Variants in PVT1 observed in about 807,000 individuals in gnomAD.
The protein encoded by PVT1 is CXCR4/PVT1 fusion.
chr8:127,971,072 A>G (rs1341039347), intron 3 of PVT1, among the ~76,000 whole-genome samples: 3 of 152,258 alleles, frequency 2.0e-5, no homozygotes, highest in Non-Finnish European at 4.4e-5. Context: ...TGGCCTGCAA[A>G]AAGCCTAAAA....
intron 5 of PVT1, among the ~76,000 whole-genome samples, chr8:128,072,330 C>A (rs1563680467): frequency 6.6e-6 from 1 of 152,150 alleles, no homozygotes; most frequent in Non-Finnish European, 1.5e-5. Context: ...GGCCACAGAA[C>A]AAGCATGCAT....
At chr8:127,813,581 A>T (rs1347188327) in intron 2 of PVT1, among the ~76,000 whole-genome samples, 2 of 152,026 alleles carry the variant, frequency 1.3e-5, no homozygotes, top group African/African-American at 2.4e-5. Flanking sequence ...CTAATAACAG[A>T]CCGTGTGGCT....
intron 5 of PVT1, among the ~76,000 whole-genome samples, chr8:128,093,226 G>T (rs746834908): frequency 1.3e-5 from 2 of 152,184 alleles, no homozygotes; most frequent in Non-Finnish European, 2.9e-5. Context: ...CAGTAAAATG[G>T]GGATAAGCAT....
intron 3 of PVT1, among the ~76,000 whole-genome samples, chr8:127,957,263 G>T (rs974243652): frequency 3.9e-5 from 6 of 152,090 alleles, no homozygotes; most frequent in Non-Finnish European, 7.4e-5. Flanking sequence ...TCAAGTTTCA[G>T]GGGTGGTTTT....
At chr8:128,091,081 A>G (rs1246656735) in intron 5 of PVT1, among the ~76,000 whole-genome samples, 3 of 152,196 alleles carry the variant, frequency 2.0e-5, no homozygotes, top group African/African-American at 7.2e-5. Context: ...CTCTGAGCAC[A>G]CGTGCCTAGC....
intron 3 of PVT1, among the ~76,000 whole-genome samples, chr8:127,935,146 A>G (rs1189492401): frequency 6.6e-6 from 1 of 151,994 alleles, no homozygotes; most frequent in Non-Finnish European, 1.5e-5. Flanking sequence ...TTGTATTTTT[A>G]GTAGAGACGG....
chr8:128,054,319 C>T (rs78039100), intron 4 of PVT1, among the ~76,000 whole-genome samples: 1 of 137,910 alleles, frequency 7.3e-6, no homozygotes. Flanking sequence ...AGATTTTTTT[C>T]CCACAGTTGA....
At chr8:127,894,110 G>T (rs1186755095) in intron 3 of PVT1, among the ~76,000 whole-genome samples, 1 of 152,210 alleles carries the variant, frequency 6.6e-6, no homozygotes, top group Non-Finnish European at 1.5e-5. Context: ...GTTTTCACTT[G>T]ATGGGCTCCT....
At chr8:128,023,540 G>T (rs1586485845) in intron 4 of PVT1, among the ~76,000 whole-genome samples, 1 of 152,120 alleles carries the variant, frequency 6.6e-6, no homozygotes, top group Non-Finnish European at 1.5e-5. Flanking sequence ...ATCCTGCCAG[G>T]GCATGGGTTG....
intron 4 of PVT1, among the ~76,000 whole-genome samples, chr8:128,057,099 C>T (rs988256987): frequency 6.6e-6 from 1 of 152,188 alleles, no homozygotes; most frequent in East Asian, 1.9e-4. Context: ...AACCAGACCA[C>T]CCTGAGCTTC....
intron 2 of PVT1, among the ~76,000 whole-genome samples, chr8:127,824,121 C>T (rs920695091): frequency 3.9e-5 from 6 of 152,172 alleles, no homozygotes; most frequent in Non-Finnish European, 8.8e-5. Context: ...TTTGAGGCTG[C>T]AGTGAGCTGT....
intron 5 of PVT1, among the ~76,000 whole-genome samples, chr8:128,079,786 G>C (rs572666433): frequency 6.6e-6 from 1 of 152,152 alleles, no homozygotes; most frequent in African/African-American, 2.4e-5. Context: ...GTGTAGTGGT[G>C]TGATCTCGGC....
At chr8:128,092,483 CT>C (rs944227756) in intron 5 of PVT1, among the ~76,000 whole-genome samples, 3 of 152,230 alleles carry the variant, frequency 2.0e-5, no homozygotes, top group African/African-American at 7.2e-5. Context: ...CCATTGGCCC[CT>C]GGACAGCTGT....
intron 4 of PVT1, among the ~76,000 whole-genome samples, chr8:128,047,052 T>C (rs977417475): frequency 3.3e-5 from 5 of 152,224 alleles, no homozygotes; most frequent in Non-Finnish European, 7.3e-5. Flanking sequence ...TCATACTCTC[T>C]TTATCTTTTG....
At chr8:127,999,720 C>T (rs1345842827) in intron 4 of PVT1, among the ~76,000 whole-genome samples, 1 of 152,226 alleles carries the variant, frequency 6.6e-6, no homozygotes, top group East Asian at 1.9e-4. Flanking sequence ...CTTCAGCCTC[C>T]CGAAGTGCTG....
At chr8:127,925,648 GT>G (rs10592662) in intron 3 of PVT1, among the ~76,000 whole-genome samples, 73,482 of 151,370 alleles carry the variant, frequency 0.49, 18,102 homozygotes, top group East Asian at 0.73. Flanking sequence ...TTTTGTTTTT[GT>G]TTTTTTTTTG....
intron 5 of PVT1, among the ~76,000 whole-genome samples, chr8:128,094,663 G>C (rs993936004): frequency 6.6e-6 from 1 of 152,186 alleles, no homozygotes; most frequent in Non-Finnish European, 1.5e-5. Context: ...GATATCAAGT[G>C]GGCACTCAAG....
intron 3 of PVT1, among the ~76,000 whole-genome samples, chr8:127,900,802 C>T (rs1289852567): frequency 6.6e-6 from 1 of 152,194 alleles, no homozygotes; most frequent in Non-Finnish European, 1.5e-5. Flanking sequence ...ACATCACTCT[C>T]CAGTTGGCAC....
At chr8:127,889,448 AT>A (rs35522702) in intron 2 of PVT1, among the ~76,000 whole-genome samples, 32,008 of 139,602 alleles carry the variant, frequency 0.23, 3,551 homozygotes, top group Middle Eastern at 0.3. Context: ...TTTTCCTGTG[AT>A]TTTTTTTTTT....
Sources: allele counts gnomAD v4.1 joint callset (sites outside exome capture counted in the v4.1 genomes callset), GRCh38; gene constraint gnomAD v4.1.1; transcripts MANE v1.5; gene names NCBI Gene and HGNC (gene_info 2026-07-23, HGNC 2026-07-21).